The following SIPA1L3 variants were observed in gnomAD, a reference collection of about 807,000 sequenced individuals.
SIPA1L3 encodes the protein signal induced proliferation associated 1 like 3, also known as signal-induced proliferation-associated 1-like protein 3.
A neutral mutation model predicts 150.1 loss-of-function variants in SIPA1L3; 59 were observed. That is an observed-to-expected ratio of 0.39 (90% CI 0.32 to 0.49). The LOEUF (loss-of-function observed/expected upper bound fraction) is 0.49, where lower values mean the gene tolerates loss of function less well. SIPA1L3 is among the 20% of genes least tolerant of loss of function. The pLI is 0.86. For missense variants in SIPA1L3, 2,211 were observed against 2,489.5 expected (o/e 0.89, Z 2.38); for synonymous variants, 1,070 against 1,077.6 (o/e 0.99, Z 0.14).
chr19:37,982,020 T>A (rs2145616355), intron 1 of SIPA1L3, among the ~76,000 whole-genome samples: 1 of 152,356 alleles, frequency 6.6e-6, no homozygotes, highest in South Asian at 2.1e-4. Flanking sequence ...CTTACGCATG[T>A]CCACGTTGTG....
At chr19:38,061,348 G>A (rs1461591081) in intron 2 of SIPA1L3, among the ~76,000 whole-genome samples, 1 of 152,132 alleles carries the variant, frequency 6.6e-6, no homozygotes, top group African/African-American at 2.4e-5. Context: ...ACAGGTGTGA[G>A]CCACCGTGCC....
chr19:38,189,535 A>G (rs1255386226), intron 16 of SIPA1L3, among the ~76,000 whole-genome samples: 1 of 152,022 alleles, frequency 6.6e-6, no homozygotes, highest in Non-Finnish European at 1.5e-5. Context: ...GGAGGCCGAG[A>G]TGGGCGGACC....
chr19:38,142,680 C>T lies in SIPA1L3; in HGVS notation c.3503C>T (p.Thr1168Ile), dbSNP rs372072291. Residue 1168 changes from threonine (T) to isoleucine (I), a missense_variant, in exon 12 of 22, where the codon ACC becomes ATC. Physicochemically the swap from Thr to Ile is moderately conservative, Grantham distance 89 (BLOSUM62 -1). Around this residue, in one of 5 missense-constraint regions of SIPA1L3, gnomAD observed 806 missense variants for 870.1 expected, o/e 0.93. Coordinates refer to ENST00000222345, the MANE Select transcript of SIPA1L3 (RefSeq NM_015073.3). ...AGCTTCTCCACCCCCGGTTCGGCCA[C>T]CTACGTGAGATACAAGCCATCCCCA... Reference protein sequence around the residue: ...SGSFSTPGSATYVRYKPSPER... With the variant: ...SGSFSTPGSAIYVRYKPSPER... 3 of 1,614,032 alleles carry T rather than the reference C, an allele frequency of 1.9e-6. No homozygotes were observed. Among genetic ancestry groups the T allele is most frequent in the Non-Finnish European group, 2.5e-6 (3 of 1,179,958 alleles).
chr19:38,199,461 C>T (rs1239114943), intron 19 of SIPA1L3, among the ~76,000 whole-genome samples: 1 of 152,240 alleles, frequency 6.6e-6, no homozygotes, highest in Non-Finnish European at 1.5e-5. Flanking sequence ...GTGTGCCTGG[C>T]ATGCCTGGGA....
intron 13 of SIPA1L3, among the ~76,000 whole-genome samples, chr19:38,156,651 C>A (rs964067700): frequency 6.6e-6 from 1 of 151,776 alleles, no homozygotes; most frequent in Admixed American, 6.6e-5. Flanking sequence ...ATGATGAAAC[C>A]CTATCTGTAC....
At chr19:38,156,781 C>T (rs1189349531) in intron 13 of SIPA1L3, among the ~76,000 whole-genome samples, 3 of 151,996 alleles carry the variant, frequency 2.0e-5, no homozygotes, top group African/African-American at 7.3e-5. Flanking sequence ...GCTGAGATCA[C>T]GCATTGCACT....
At chr19:38,000,863 A>G (rs1464998148) in intron 1 of SIPA1L3, among the ~76,000 whole-genome samples, 1 of 145,588 alleles carries the variant, frequency 6.9e-6, no homozygotes, top group East Asian at 2.0e-4. Flanking sequence ...TTGTACATTT[A>G]TGTTCCAAGT....
At chr19:38,060,068 C>A (rs899324376) in intron 2 of SIPA1L3, among the ~76,000 whole-genome samples, 10 of 152,206 alleles carry the variant, frequency 6.6e-5, no homozygotes, top group Admixed American at 6.5e-4. Context: ...AGCCACCGCA[C>A]GTGACCAGAA....
intron 15 of SIPA1L3, among the ~76,000 whole-genome samples, chr19:38,171,806 G>A (rs1600167456): frequency 6.6e-6 from 1 of 152,230 alleles, no homozygotes; most frequent in East Asian, 1.9e-4. Context: ...GCAGTGTGCT[G>A]TGATTGCACC....
intron 1 of SIPA1L3, among the ~76,000 whole-genome samples, chr19:37,957,741 A>T (rs2046823725): frequency 6.6e-6 from 1 of 151,712 alleles, no homozygotes; most frequent in Non-Finnish European, 1.5e-5. Flanking sequence ...TTTGAGACAG[A>T]GTCTTCTGTT....
chr19:38,074,691 C>G (rs548099713), intron 2 of SIPA1L3, among the ~76,000 whole-genome samples: 1 of 152,324 alleles, frequency 6.6e-6, no homozygotes, highest in South Asian at 2.1e-4. Flanking sequence ...AACCAGCAAC[C>G]CCTGCTGAAG....
chr19:38,168,812 T>C (rs1394824884), intron 15 of SIPA1L3, among the ~76,000 whole-genome samples: 1 of 152,170 alleles, frequency 6.6e-6, no homozygotes, highest in Non-Finnish European at 1.5e-5. Flanking sequence ...GAGCTTTAAT[T>C]TGCATACAGA....
chr19:38,010,309 G>A (rs28403465), intron 1 of SIPA1L3, among the ~76,000 whole-genome samples: 1 of 151,866 alleles, frequency 6.6e-6, no homozygotes, highest in Non-Finnish European at 1.5e-5. Context: ...TTAGGAGGCT[G>A]AAGTGGGAGG....
intron 9 of SIPA1L3, among the ~76,000 whole-genome samples, chr19:38,124,847 C>G (rs1237475419): frequency 2.6e-5 from 4 of 152,128 alleles, no homozygotes; most frequent in African/African-American, 9.7e-5. Flanking sequence ...CAAAAAAATA[C>G]GAAAACCAGT....
chr19:37,972,579 C>A (rs150741666), intron 1 of SIPA1L3, among the ~76,000 whole-genome samples: 1 of 152,194 alleles, frequency 6.6e-6, no homozygotes, highest in Non-Finnish European at 1.5e-5. Context: ...TGGTGTGCAC[C>A]TGTAGTCCCA....
chr19:38,119,060 G>A (rs1331224584), intron 8 of SIPA1L3, among the ~76,000 whole-genome samples: 2 of 152,114 alleles, frequency 1.3e-5, no homozygotes, highest in African/African-American at 4.8e-5. Context: ...GCTGGGCATG[G>A]TGGTATAAGC....
At chr19:37,983,440 A>G (rs772609436) in intron 1 of SIPA1L3, among the ~76,000 whole-genome samples, 6 of 152,208 alleles carry the variant, frequency 3.9e-5, no homozygotes, top group Non-Finnish European at 8.8e-5. Flanking sequence ...ATGTTAAAGC[A>G]TCTGGCACAG....
intron 9 of SIPA1L3, among the ~76,000 whole-genome samples, chr19:38,125,970 G>A (rs938767262): frequency 6.6e-6 from 1 of 152,156 alleles, no homozygotes. Context: ...TCAAGAGATC[G>A]AGACCATCCT....
chr19:37,942,855 C>T (rs896227324), intron 1 of SIPA1L3, among the ~76,000 whole-genome samples: 7 of 152,128 alleles, frequency 4.6e-5, no homozygotes, highest in African/African-American at 1.4e-4. Context: ...AGGATAGCCC[C>T]AGTCCCCTTT....
Sources: gnomAD v4.1 joint callset for allele counts (sites outside exome capture counted in the v4.1 genomes callset) on GRCh38, gnomAD v4.1.1 for gene constraint, gnomAD v4.1.1 regional missense constraint, MANE v1.5 for transcripts, NCBI Gene and HGNC (gene_info 2026-07-23, HGNC 2026-07-21) for gene names.